The following FGGY variants were observed in gnomAD, a reference collection of about 807,000 sequenced individuals.
The protein encoded by FGGY is FGGY carbohydrate kinase domain-containing protein.
FGGY carries 72 observed loss-of-function variants against 71.3 expected under a neutral mutation model. That is an observed-to-expected ratio of 1.01 (90% confidence interval 0.84 to 1.23). The LOEUF (loss-of-function observed/expected upper bound fraction) is 1.23. Ranked by LOEUF, FGGY falls within the 50% of genes most tolerant of loss-of-function variation. The pLI, the probability that FGGY is intolerant of heterozygous loss-of-function variation, is 0.00. For synonymous variants in FGGY, 251 were observed against 250.3 expected, an observed-to-expected ratio of 1.00 and a Z score of -0.02; for missense variants, 668 against 682.3, an observed-to-expected ratio of 0.98 and a Z score of 0.23.
intron 14 of FGGY, among the ~76,000 whole-genome samples, chr1:59,721,483 C>T (rs2097895598): frequency 6.6e-6 from 1 of 151,674 alleles, no homozygotes; most frequent in South Asian, 2.1e-4. Flanking sequence ...GGAGTACAGG[C>T]GTGCACCACC....
At chr1:59,664,539 C>T (rs1484674953) in intron 12 of FGGY, among the ~76,000 whole-genome samples, 1 of 152,216 alleles carries the variant, frequency 6.6e-6, no homozygotes, top group Non-Finnish European at 1.5e-5. Context: ...TTAGAAATAT[C>T]AAAGATACCA....
At chr1:59,349,847 A>G (rs2052882569) in intron 4 of FGGY, among the ~76,000 whole-genome samples, 1 of 152,110 alleles carries the variant, frequency 6.6e-6, no homozygotes, top group African/African-American at 2.4e-5. Context: ...TCACCTGGAG[A>G]TCTTAGGTTC....
intron 7 of FGGY, among the ~76,000 whole-genome samples, chr1:59,526,152 G>T (rs2094972329): frequency 6.6e-6 from 1 of 152,182 alleles, no homozygotes; most frequent in Non-Finnish European, 1.5e-5. Flanking sequence ...CCGTATATAT[G>T]TATGTGTATA....
intron 1 of FGGY, among the ~76,000 whole-genome samples, chr1:59,313,568 TCACA>T (rs150331627): frequency 5.3e-5 from 8 of 151,152 alleles, no homozygotes; most frequent in South Asian, 2.1e-4. Flanking sequence ...GATATATGTA[TCACA>T]CACACACACA....
At chr1:59,725,068 T>A (rs1048716353) in intron 14 of FGGY, among the ~76,000 whole-genome samples, 1 of 152,206 alleles carries the variant, frequency 6.6e-6, no homozygotes, top group Admixed American at 6.5e-5. Flanking sequence ...TCCTGTTATC[T>A]TCTAGATGTT....
At chr1:59,547,287 G>A (rs2095541421) in intron 7 of FGGY, among the ~76,000 whole-genome samples, 1 of 152,102 alleles carries the variant, frequency 6.6e-6, no homozygotes, top group Admixed American at 6.6e-5. Context: ...CATTTGCTAG[G>A]CTTGAGGTTA....
chr1:59,461,513 G>A (rs745525342), intron 6 of FGGY, among the ~76,000 whole-genome samples: 8 of 152,168 alleles, frequency 5.3e-5, no homozygotes, highest in Admixed American at 1.3e-4. Context: ...TATTATCCAG[G>A]AGAACTTCCC....
intron 4 of FGGY, among the ~76,000 whole-genome samples, chr1:59,346,721 ACAACT>A (rs1225711188): frequency 1.3e-5 from 2 of 152,174 alleles, no homozygotes; most frequent in African/African-American, 4.8e-5. Context: ...TAGAGATAAA[ACAACT>A]CACTCAAAGT....
chr1:59,404,092 C>T (rs1402136546), intron 5 of FGGY, among the ~76,000 whole-genome samples: 1 of 152,132 alleles, frequency 6.6e-6, no homozygotes, highest in African/African-American at 2.4e-5. Context: ...GAACTGGATG[C>T]TTCTGGAAGA....
At chr1:59,579,764 G>A (rs1340186362) in intron 8 of FGGY, among the ~76,000 whole-genome samples, 1 of 152,142 alleles carries the variant, frequency 6.6e-6, no homozygotes, top group African/African-American at 2.4e-5. Context: ...TCTCACAGCA[G>A]CCAGGGTGGC....
intron 4 of FGGY, among the ~76,000 whole-genome samples, chr1:59,373,930 A>C (rs1172951685): frequency 2.6e-5 from 4 of 152,242 alleles, no homozygotes; most frequent in Non-Finnish European, 4.4e-5. Flanking sequence ...CTTAAACGTT[A>C]GACCTAAAAC....
chr1:59,589,122 A>G (rs1558459018), intron 8 of FGGY, among the ~76,000 whole-genome samples: 2 of 152,204 alleles, frequency 1.3e-5, no homozygotes, highest in African/African-American at 4.8e-5. Flanking sequence ...AAAACAAAAA[A>G]AGGCAGGAGT....
intron 5 of FGGY, among the ~76,000 whole-genome samples, chr1:59,430,566 C>T (rs1232954016): frequency 1.3e-5 from 2 of 152,016 alleles, no homozygotes; most frequent in Admixed American, 6.6e-5. Context: ...CTCATAAGGG[C>T]CCATTTTCCT....
At chr1:59,466,200 A>G (rs1351577838) in intron 6 of FGGY, among the ~76,000 whole-genome samples, 1 of 152,154 alleles carries the variant, frequency 6.6e-6, no homozygotes, top group Non-Finnish European at 1.5e-5. Context: ...AAATAACACC[A>G]CACATCTACA....
chr1:59,664,143 G>A (rs1388933263), intron 12 of FGGY, among the ~76,000 whole-genome samples: 1 of 152,172 alleles, frequency 6.6e-6, no homozygotes, highest in East Asian at 1.9e-4. Flanking sequence ...ATTTGCATTT[G>A]AAGTCTCTTG....
chr1:59,381,565 A>T (rs1042412911), intron 5 of FGGY, among the ~76,000 whole-genome samples: 1 of 151,480 alleles, frequency 6.6e-6, no homozygotes, highest in Admixed American at 6.6e-5. Context: ...TTAATATCTT[A>T]TGGGACCACT....
chr1:59,377,052 C>G (rs889406840), intron 4 of FGGY, among the ~76,000 whole-genome samples: 1 of 152,126 alleles, frequency 6.6e-6, no homozygotes, highest in South Asian at 2.1e-4. Flanking sequence ...GGTCACATGC[C>G]TAAACCTGGT....
chr1:59,494,446 G>T (rs1281943643), intron 6 of FGGY, among the ~76,000 whole-genome samples: 1 of 152,138 alleles, frequency 6.6e-6, no homozygotes, highest in Non-Finnish European at 1.5e-5. Context: ...AGATAGAAAA[G>T]ACCAGTTTAG....
chr1:59,587,028 T>C (rs774603281), intron 8 of FGGY, among the ~76,000 whole-genome samples: 2 of 152,138 alleles, frequency 1.3e-5, no homozygotes, highest in Admixed American at 6.5e-5. Flanking sequence ...GTCAGGGAGT[T>C]CCCTTTCCTA....
Sources: allele counts gnomAD v4.1 joint callset (sites outside exome capture counted in the v4.1 genomes callset), GRCh38; gene constraint gnomAD v4.1.1; transcripts MANE v1.5; gene names NCBI Gene and HGNC (gene_info 2026-07-23, HGNC 2026-07-21).